Variants in RTN4R observed in about 807,000 individuals in gnomAD.
The protein encoded by RTN4R is reticulon-4 receptor.
In RTN4R, 4 loss-of-function variants were observed where a neutral mutation model predicts 27.7. That is an observed-to-expected ratio of 0.14 (90% CI 0.07 to 0.33). RTN4R has a LOEUF of 0.33. Among genes scored for constraint, RTN4R ranks in the 10% least tolerant of loss-of-function variants. The pLI is 1.00. For synonymous variants in RTN4R, 290 were observed against 305.6 expected (o/e 0.95, Z 0.53); for missense variants, 554 against 671.5 (o/e 0.83, Z 1.93).
At chr22:20,260,161 C>T (rs1241461384) in intron 1 of RTN4R, among the ~76,000 whole-genome samples, 2 of 152,170 alleles carry the variant, frequency 1.3e-5, no homozygotes, top group South Asian at 2.1e-4. Flanking sequence ...GGAACTGTGG[C>T]AGTCCTGCTG....
intron 1 of RTN4R, among the ~76,000 whole-genome samples, chr22:20,259,045 T>G (rs1283678961): frequency 6.6e-6 from 1 of 152,000 alleles, no homozygotes; most frequent in Non-Finnish European, 1.5e-5. Flanking sequence ...GCCTCAGGTG[T>G]CCAGGTCACT....
At chr22:20,254,086 C>CA (rs1393994793) in intron 1 of RTN4R, among the ~76,000 whole-genome samples, 1 of 152,070 alleles carries the variant, frequency 6.6e-6, no homozygotes, top group African/African-American at 2.4e-5. Context: ...TTCAGGCCCC[C>CA]AGGGGTCAAG....
At position 20,254,709 on chromosome 22, in the gene RTN4R, G is replaced by T. The variant is rs761273140; in HGVS notation, c.23-11599C>A. ...AAGAGGAAAACGTGGGGCCCAGGAAGCATTAACTGAAATTTCAACAGGTGG... is the reference window on the plus strand; with the variant it reads ...AAGAGGAAAACGTGGGGCCCAGGAATCATTAACTGAAATTTCAACAGGTGG... On this transcript the variant is annotated intron_variant, in intron 1 of 1. Coordinates refer to ENST00000043402, the MANE Select transcript of RTN4R (RefSeq NM_023004.6). 4.6e-4 allele frequency among the ~76,000 whole-genome samples: 70 copies of T among 151,976 alleles called. 1 individual carries two copies. The highest frequency in any genetic ancestry group is 9.8e-4 in the Admixed American group (15 of 15,238).
At chr22:20,260,530 C>A (rs1157231648) in intron 1 of RTN4R, among the ~76,000 whole-genome samples, 1 of 152,150 alleles carries the variant, frequency 6.6e-6, no homozygotes, top group Non-Finnish European at 1.5e-5. Flanking sequence ...TGACCTTGGG[C>A]CAGCTCCTCA....
chr22:20,267,036 A>C (rs1319939383), intron 1 of RTN4R, among the ~76,000 whole-genome samples: 1 of 152,234 alleles, frequency 6.6e-6, no homozygotes, highest in Non-Finnish European at 1.5e-5. Context: ...AAGGGGCCCC[A>C]GCATGTGCCA....
intron 1 of RTN4R, among the ~76,000 whole-genome samples, chr22:20,262,973 G>A (rs756093276): frequency 2.6e-5 from 4 of 152,326 alleles, no homozygotes; most frequent in African/African-American, 9.6e-5. Flanking sequence ...GAGGGGCCTG[G>A]AGCCCACCCT....
rs145052327 is a variant in RTN4R, at chr22:20,249,391, A to G, written c.23-6281T>C. On this transcript the variant is annotated intron_variant, in intron 1 of 1. Coordinates refer to ENST00000043402, the MANE Select transcript of RTN4R (RefSeq NM_023004.6). ...TCCACTCCCATGGGCTAGCATCCAG[A>G]CCTAAGCCCCAGCCCTCCCACACTC... Among the ~76,000 whole-genome samples the G allele has an allele frequency of 3.2e-3, 488 of 152,224 alleles. 8 individuals carry two copies. The East Asian group carries it at 0.058, about 18-fold the overall frequency.
intron 1 of RTN4R, among the ~76,000 whole-genome samples, chr22:20,264,028 T>C (rs12168040): frequency 0.012 from 1,791 of 152,186 alleles, 36 homozygotes; most frequent in African/African-American, 0.041. Flanking sequence ...AAAGCCTCAG[T>C]GGGCTAGGAG....
At chr22:20,267,502 G>T in intron 1 of RTN4R, 1 of 409,790 alleles carries the variant, frequency 2.4e-6, no homozygotes. Flanking sequence ...GATGGCGGGC[G>T]TTGCTGCCTC....
chr22:20,267,348 G>C (rs1484446385), intron 1 of RTN4R, among the ~76,000 whole-genome samples: 1 of 152,216 alleles, frequency 6.6e-6, no homozygotes, highest in African/African-American at 2.4e-5. Flanking sequence ...AACTCACATG[G>C]AGCCCACCCT....
At chr22:20,245,127 G>A (rs971769321) in intron 1 of RTN4R, among the ~76,000 whole-genome samples, 1 of 152,232 alleles carries the variant, frequency 6.6e-6, no homozygotes, top group African/African-American at 2.4e-5. Flanking sequence ...TGAGGTGCCA[G>A]AACTGAGCCA....
At chr22:20,265,881 C>G (rs552753732) in intron 1 of RTN4R, among the ~76,000 whole-genome samples, 7 of 152,158 alleles carry the variant, frequency 4.6e-5, no homozygotes, top group African/African-American at 1.7e-4. Context: ...GGAAGTGCCC[C>G]GATAATCCCT....
chr22:20,243,522 G>A, intron 1 of RTN4R: 1 of 488,284 alleles, frequency 2.0e-6, no homozygotes, highest in South Asian at 1.5e-5. Context: ...TCCACCCACA[G>A]GGCCTAGGAA....
In RTN4R at chr22:20,242,007, G is replaced by A. The variant is rs758701691; in HGVS notation, c.1126C>T (p.Pro376Ser). 6.2e-7 allele frequency: 1 copy of A among 1,611,180 alleles called. No homozygotes were observed. The highest frequency in any genetic ancestry group is 1.7e-5 in the Admixed American group (1 of 60,020). The change falls in exon 2 of 2, where the codon CCA (proline) becomes TCA (serine). Residue 376 changes from proline to serine, a missense_variant. Pro to Ser is a moderately conservative substitution (Grantham distance 74, BLOSUM62 -1). This residue lies in a region of RTN4R where 413 missense variants were observed against 542.3 expected (regional missense o/e 0.76). Coordinates refer to ENST00000043402, the MANE Select transcript of RTN4R (RefSeq NM_023004.6). Reference sequence around the variant, plus strand: ...AAGGGTGAGTCATTGATGTGCCGTGGGCCAGAGCCGTTGCCCGGCGGGCTG... The same window carrying A: ...AAGGGTGAGTCATTGATGTGCCGTGAGCCAGAGCCGTTGCCCGGCGGGCTG... The part of the protein sequence containing the change: ...GDSPPGNGSG[P>S]RHINDSPFGT...
intron 1 of RTN4R, among the ~76,000 whole-genome samples, chr22:20,252,622 A>G (rs1452347702): frequency 2.0e-5 from 3 of 152,032 alleles, no homozygotes; most frequent in African/African-American, 7.2e-5. Context: ...CACTATCCTT[A>G]TCACCATCAT....
chr22:20,242,512 G>A lies in RTN4R; in HGVS notation c.621C>T (p.Leu207=), dbSNP rs887491912. The change falls in exon 2 of 2, where the codon CTC becomes CTT. Residue 207 remains leucine (L), a synonymous_variant. Transcript: ENST00000043402. ...GGGCCACGCGGTTCTGGTGCAGTAG[G>A]AGACGGTCGAGGCTGTGCAGCCCAC... The part of the protein sequence containing the change: ...AFRGLHSLDR[L]LLHQNRVAHV... The A allele has an allele frequency of 1.2e-6, 2 of 1,613,752 alleles. No individual in the cohort carries two copies. The highest frequency in any genetic ancestry group is 1.7e-6 in the Non-Finnish European group (2 of 1,179,984).
At position 20,255,876 on chromosome 22, in the gene RTN4R, A is replaced by G. The variant is rs946283367; in HGVS notation, c.22+12195T>C. ...TGCACACGGGCTTCTCTCAGCTGCTATGAGAGCCCCCAATGCGTCTCCACA... is the reference window on the plus strand; with the variant it reads ...TGCACACGGGCTTCTCTCAGCTGCTGTGAGAGCCCCCAATGCGTCTCCACA... On this transcript the variant is annotated intron_variant, in intron 1 of 1. Coordinates refer to ENST00000043402, the MANE Select transcript of RTN4R (RefSeq NM_023004.6). The surrounding 1 kb of genome is among the most constrained non-coding windows in gnomAD (Gnocchi z 4.8). Among the ~76,000 whole-genome samples, 1 of 152,240 alleles carries G rather than the reference A, an allele frequency of 6.6e-6. No homozygotes were observed. The highest frequency in any genetic ancestry group is 2.4e-5 in the African/African-American group (1 of 41,460).
intron 1 of RTN4R, among the ~76,000 whole-genome samples, chr22:20,247,960 G>A (rs1263457533): frequency 1.3e-5 from 2 of 152,192 alleles, no homozygotes; most frequent in Admixed American, 1.3e-4. Context: ...GCCCTGGCCG[G>A]CAGGGCTCGT....
intron 1 of RTN4R, among the ~76,000 whole-genome samples, chr22:20,260,341 C>T (rs2051237829): frequency 6.6e-6 from 1 of 152,132 alleles, no homozygotes; most frequent in Non-Finnish European, 1.5e-5. Context: ...TGCTTCCTGA[C>T]AAGGGGGCCT....
Sources: allele counts gnomAD v4.1 joint callset (sites outside exome capture counted in the v4.1 genomes callset), GRCh38; gene constraint gnomAD v4.1.1; regional missense constraint gnomAD v4.1.1; non-coding constraint Gnocchi (gnomAD v3.1); transcripts MANE v1.5; gene names NCBI Gene and HGNC (gene_info 2026-07-23, HGNC 2026-07-21).